The following NUB1 variants were observed in gnomAD, a reference collection of about 807,000 sequenced individuals.
NUB1 encodes the protein NEDD8 ultimate buster 1.
Under a neutral mutation model 77.1 loss-of-function variants are expected in NUB1, and 41 were observed. That is an observed-to-expected ratio of 0.53 (90% CI 0.41 to 0.69). The LOEUF (loss-of-function observed/expected upper bound fraction) is 0.69, where lower values mean the gene tolerates loss of function less well. NUB1 is among the 30% of genes least tolerant of loss of function. NUB1 has a pLI of 0.00. For synonymous variants in NUB1, 257 were observed against 281.0 expected (o/e 0.91, Z 0.85); for missense variants, 643 against 743.8 (o/e 0.86, Z 1.58).
intron 12 of NUB1, among the ~76,000 whole-genome samples, chr7:151,374,961 C>T (rs1039889961): frequency 2.0e-5 from 3 of 146,454 alleles, no homozygotes; most frequent in Admixed American, 6.9e-5. Flanking sequence ...GCTGGGGCAG[C>T]GCGGCGGGCA....
intron 2 of NUB1, among the ~76,000 whole-genome samples, chr7:151,347,970 G>A (rs1280369188): frequency 1.3e-5 from 2 of 152,182 alleles, no homozygotes; most frequent in Non-Finnish European, 1.5e-5. Context: ...AGATTGAGAG[G>A]AGTATCCCGT....
rs991243399 is a variant in NUB1 at position 151,341,862 on chromosome 7, C to A, written c.-3+16C>A. The A allele has an allele frequency of 6.7e-7, 1 of 1,496,102 alleles. No individual in the cohort carries two copies. The highest frequency in any genetic ancestry group is 8.8e-7 in the Non-Finnish European group (1 of 1,132,222). The allele number at this position is 1,496,102 out of a possible 1,614,324, so 92.7% of individuals were successfully genotyped here. On this transcript the variant is annotated intron_variant, in intron 1 of 14. Transcript: ENST00000568733. ...CGTGGCGCAGGTGAGGACACGGCGG[C>A]CGAGTGTCCTCGACCCCAGCCTCAG...
chr7:151,350,039 CA>C (rs1184620514), intron 3 of NUB1, among the ~76,000 whole-genome samples: 1 of 152,222 alleles, frequency 6.6e-6, no homozygotes, highest in Non-Finnish European at 1.5e-5. Flanking sequence ...GTCCACCGGA[CA>C]GGGGGCCTTT....
rs552466123 is a variant in NUB1 at position 151,360,629 on chromosome 7, T to C, written c.800+382T>C. On this transcript the variant is annotated intron_variant, in intron 8 of 14. Transcript: ENST00000568733. ...GGTGATATTATTCCTTCTGTACTTA[T>C]TTTTTTTGAGACAGAGTCTCACTCT... 6.2e-4 allele frequency: 73 copies of C among 117,688 alleles called. 1 individual carries two copies. The highest frequency in any genetic ancestry group is 8.1e-4 in the Non-Finnish European group (49 of 60,762). The allele number at this position is 117,688 out of a possible 1,614,324, so 7.3% of individuals were successfully genotyped here.
In NUB1 at chr7:151,352,875, A is replaced by G. The variant is rs771638796; in HGVS notation, c.408A>G (p.Leu136=). 16 of 1,526,910 alleles carry G rather than the reference A, an allele frequency of 1.0e-5. No individual in the cohort carries two copies. The Admixed American group carries it at 2.4e-4, about 23-fold the overall frequency. The allele number at this position is 1,526,910 out of a possible 1,614,324, so 94.6% of individuals were successfully genotyped here. ...YIKIVINKKQ[L]QLGKTLEEQG... Reference sequence around the variant, plus strand: ...AAATTGTCATAAATAAGAAGCAACTACAACTAGGTATGTATGGCAAAGTAT... The same window carrying G: ...AAATTGTCATAAATAAGAAGCAACTGCAACTAGGTATGTATGGCAAAGTAT... Residue 136 remains leucine, a synonymous_variant, in exon 5 of 15, where the codon CTA becomes CTG. Transcript: ENST00000568733.
intron 13 of NUB1, 51 bp from the exon 14 acceptor site, chr7:151,376,583 G>A: frequency 6.6e-7 from 1 of 1,517,540 alleles, no homozygotes; most frequent in Non-Finnish European, 8.9e-7. Context: ...TGACGGGGGT[G>A]GCAGAAGAGG....
intron 11 of NUB1, among the ~76,000 whole-genome samples, chr7:151,371,134 C>G (rs1055549035): frequency 6.6e-6 from 1 of 152,144 alleles, no homozygotes; most frequent in Non-Finnish European, 1.5e-5. Context: ...GCAGTTGATC[C>G]TTCTCCCTCT....
chr7:151,347,860 T>C (rs1308593533), intron 2 of NUB1, among the ~76,000 whole-genome samples: 1 of 152,226 alleles, frequency 6.6e-6, no homozygotes. Context: ...CTACATGGTA[T>C]TACATTATGA....
intron 4 of NUB1, among the ~76,000 whole-genome samples, chr7:151,352,537 G>A (rs7809933): frequency 0.037 from 5,681 of 152,174 alleles, 150 homozygotes; most frequent in South Asian, 0.074. Context: ...TCAAACTCGC[G>A]GTTCAAGCAA....
intron 7 of NUB1, among the ~76,000 whole-genome samples, chr7:151,358,668 C>G (rs2150684440): frequency 6.6e-6 from 1 of 152,318 alleles, no homozygotes; most frequent in Middle Eastern, 3.4e-3. Flanking sequence ...AAAGCAGTCC[C>G]TAGTGCCAAA....
intron 5 of NUB1, among the ~76,000 whole-genome samples, 183 bp downstream of exon 5, chr7:151,353,065 C>T (rs1321382502): frequency 6.6e-6 from 1 of 152,150 alleles, no homozygotes; most frequent in Non-Finnish European, 1.5e-5. Context: ...TAAATATTTA[C>T]TGTCTGTTCT....
intron 1 of NUB1, among the ~76,000 whole-genome samples, chr7:151,344,180 CA>C (rs561127147): frequency 1.5e-3 from 70 of 45,618 alleles, no homozygotes; most frequent in African/African-American, 3.7e-3. Flanking sequence ...GACTCCCTCT[CA>C]AAAAAAAAAA....
chr7:151,372,249 G>A (rs746511747), intron 11 of NUB1, among the ~76,000 whole-genome samples: 8 of 152,218 alleles, frequency 5.3e-5, no homozygotes, highest in Non-Finnish European at 1.2e-4. Context: ...AGTACTCACT[G>A]TCATTGATTT....
chr7:151,368,781 A>G lies in NUB1; in HGVS notation c.1142A>G (p.Asp381Gly). 6.2e-7 allele frequency: 1 copy of G among 1,613,980 alleles called. No homozygotes were observed. Among genetic ancestry groups the G allele is most frequent in the South Asian group, 1.1e-5 (1 of 91,072 alleles). Reference protein sequence around the residue: ...KELYIDPSKVDNLLQLGFTAQ... With the variant: ...KELYIDPSKVGNLLQLGFTAQ... ...CTATATATTGATCCATCAAAAGTGG[A>G]CAATTTGTTGCAGTTGGGGTTTACT... The change falls in exon 11 of 15, where the codon GAC becomes GGC. Residue 381 changes from aspartate to glycine, a missense_variant. Asp to Gly is a moderately conservative substitution (Grantham distance 94). Transcript: ENST00000568733.
At chr7:151,364,104 A>G (rs923999079) in intron 8 of NUB1, among the ~76,000 whole-genome samples, 7 of 146,268 alleles carry the variant, frequency 4.8e-5, no homozygotes, top group South Asian at 2.4e-4. Context: ...TAAAATTTTT[A>G]TGTTAAATAA....
intron 4 of NUB1, among the ~76,000 whole-genome samples, chr7:151,351,800 G>A (rs1200462436): frequency 6.6e-6 from 1 of 152,016 alleles, no homozygotes; most frequent in African/African-American, 2.4e-5. Context: ...GAGACACCTG[G>A]TACTCACTAG....
rs1291507086 is a variant in NUB1 at position 151,344,377 on chromosome 7, C to A, written c.-2-971C>A. ...CCAGGCTGGAGTGCAGTGGTGCCAT[C>A]TCGGCTCACTACAACCTCTGCCTCC... On this transcript the variant is annotated intron_variant, in intron 1 of 14. Transcript: ENST00000568733. 2.6e-5 allele frequency among the ~76,000 whole-genome samples: 4 copies of A among 151,142 alleles called. No homozygotes were observed. The East Asian group carries it at 8.0e-4, about 30-fold the overall frequency.
chr7:151,346,839 G>A (rs889484057), intron 2 of NUB1, among the ~76,000 whole-genome samples: 1 of 152,196 alleles, frequency 6.6e-6, no homozygotes, highest in Non-Finnish European at 1.5e-5. Flanking sequence ...GGAACCTGAA[G>A]GGGGTGCTTG....
intron 13 of NUB1, 195 bp from the exon 14 acceptor site, chr7:151,376,439 G>T (rs1025119267): frequency 2.8e-5 from 16 of 579,912 alleles, no homozygotes; most frequent in Middle Eastern, 4.6e-4. Context: ...TGACGCACCC[G>T]ACTTGAGTCT....
Sources: allele counts gnomAD v4.1 joint callset (sites outside exome capture counted in the v4.1 genomes callset), GRCh38; gene constraint gnomAD v4.1.1; transcripts MANE v1.5; gene names NCBI Gene and HGNC (gene_info 2026-07-23, HGNC 2026-07-21).